The following ISG20L2 variants were observed in gnomAD, a reference collection of about 807,000 sequenced individuals.
The protein encoded by ISG20L2 is interferon stimulated exonuclease gene 20 like 2.
ISG20L2 carries 14 observed loss-of-function variants against 27.8 expected under a neutral mutation model. The observed-to-expected ratio is 0.50, with a 90% CI of 0.33 to 0.79. The LOEUF is 0.79. Among genes scored for constraint, ISG20L2 ranks in the 30% least tolerant of loss-of-function variants. The pLI is 0.02. For missense variants in ISG20L2, 393 were observed against 435.1 expected, an observed-to-expected ratio of 0.90 and a Z score of 0.86; for synonymous variants, 157 against 165.7, an observed-to-expected ratio of 0.95 and a Z score of 0.40.
intron 2 of ISG20L2, 82 bp downstream of exon 2, chr1:156,726,824 C>T (rs1197978833): frequency 2.6e-6 from 4 of 1,532,582 alleles, no homozygotes; most frequent in African/African-American, 2.8e-5. Flanking sequence ...GGTGTCTTCC[C>T]ATAGTGATAT....
At position 156,725,994 on chromosome 1, in the gene ISG20L2, G is replaced by C. The variant is rs1186119974; in HGVS notation, c.747+912C>G. The C allele has an allele frequency of 4.1e-6, 4 of 985,452 alleles. No homozygotes were observed. The African/African-American group carries it at 7.0e-5, about 17-fold the overall frequency. The allele number at this position is 985,452 out of a possible 1,614,324, so 61.0% of individuals were successfully genotyped here. Reference sequence around the variant, plus strand: ...CTCTGGCGGCCTCCTGAGACCAGCAGGTCTCTTGCTCTCCCTTCACTTCCT... The same window carrying C: ...CTCTGGCGGCCTCCTGAGACCAGCACGTCTCTTGCTCTCCCTTCACTTCCT... On this transcript the variant is annotated intron_variant, in intron 2 of 3. Coordinates refer to ENST00000368219, the MANE Select transcript of ISG20L2 (RefSeq NM_001370150.2).
chr1:156,728,367 C>G, intron 1 of ISG20L2, 48 bp downstream of exon 1: 4 of 985,708 alleles, frequency 4.1e-6, no homozygotes, highest in Non-Finnish European at 4.8e-6. Context: ...GATAAGCATA[C>G]TTCGGATCCC....
chr1:156,726,104 C>T (rs1426469650), intron 2 of ISG20L2: 1 of 985,454 alleles, frequency 1.0e-6, no homozygotes, highest in Non-Finnish European at 1.2e-6. Flanking sequence ...GATGACAACC[C>T]GAAGTGCCGG....
intron 2 of ISG20L2, chr1:156,724,663 T>TG: frequency 9.0e-7 from 1 of 1,110,494 alleles, no homozygotes. Context: ...TCCATGTATT[T>TG]AGTTCAGTTC....
Position 156,725,941 on chromosome 1 carries a change from A to C in ISG20L2, c.747+965T>G, listed in dbSNP as rs1648738907. 6 of 985,448 alleles carry C rather than the reference A, an allele frequency of 6.1e-6. No individual in the cohort carries two copies. The South Asian group carries it at 2.3e-4, about 39-fold the overall frequency. 61.0% of individuals were successfully genotyped at this position (985,448 alleles called of 1,614,324 possible). On this transcript the variant is annotated intron_variant, in intron 2 of 3. Coordinates refer to ENST00000368219, the MANE Select transcript of ISG20L2 (RefSeq NM_001370150.2). The stretch of plus-strand genomic sequence containing the variant: ...CAGAGAGGGCAGAGTGTGGACCTGA[A>C]ACTGCAAAGACGTGGACCAAGGGCG...
At chr1:156,727,807 G>A in intron 1 of ISG20L2, 38 bp from the exon 2 acceptor site, 1 of 1,456,390 alleles carries the variant, frequency 6.9e-7, no homozygotes, top group Non-Finnish European at 9.0e-7. Flanking sequence ...GAGCTCCTAG[G>A]CCTGGGAGAA....
chr1:156,723,551 C>T lies in ISG20L2; in HGVS notation c.949-89G>A, dbSNP rs1052127301. The stretch of plus-strand genomic sequence containing the variant: ...CTCTCTGTACTCCTCTTCCCCCTGC[C>T]TCCGCTACACAGTTTCTTCTGCAGT... On this transcript the variant is annotated intron_variant, in intron 3 of 3. Coordinates refer to ENST00000368219, the MANE Select transcript of ISG20L2 (RefSeq NM_001370150.2). 3.8e-6 allele frequency: 6 copies of T among 1,560,032 alleles called. No individual in the cohort carries two copies. The African/African-American group carries it at 5.4e-5, about 14-fold the overall frequency.
chr1:156,728,206 G>C (rs1292673708), intron 1 of ISG20L2: 2 of 985,822 alleles, frequency 2.0e-6, no homozygotes, highest in Non-Finnish European at 2.4e-6. Context: ...CACCAATAGA[G>C]ACACAAATCC....
rs1468325073 is a variant in ISG20L2, at chr1:156,727,344, A to G, written c.309T>C (p.Pro103=). 4 of 1,614,178 alleles carry G rather than the reference A, an allele frequency of 2.5e-6. No individual in the cohort carries two copies. In the South Asian group the frequency reaches 3.3e-5, roughly 13 times the overall value. ...DKKAAVSWLT[P]APSKKADSVA... ...CAGAATCAGCCTTTTTTGAAGGGGC[A>G]GGGGTCAACCAAGACACTGCAGCTT... The change falls in exon 2 of 4, where the codon CCT becomes CCC. Residue 103 remains proline, a synonymous_variant. Coordinates refer to ENST00000368219, the MANE Select transcript of ISG20L2 (RefSeq NM_001370150.2).
At position 156,727,861 on chromosome 1, in the gene ISG20L2, A is replaced by G. The variant is rs1007787513; in HGVS notation, c.-117-92T>C. 4.4e-6 allele frequency: 6 copies of G among 1,368,250 alleles called. No individual in the cohort carries two copies. The South Asian group carries it at 9.2e-5, about 21-fold the overall frequency. The allele number at this position is 1,368,250 out of a possible 1,614,324, so 84.8% of individuals were successfully genotyped here. ...CTCCGTAGGACTTATGGAAGGAAAGACATCAGAGCAATCTCTCAGACAGAG... is the reference window on the plus strand; with the variant it reads ...CTCCGTAGGACTTATGGAAGGAAAGGCATCAGAGCAATCTCTCAGACAGAG... On this transcript the variant is annotated intron_variant, in intron 1 of 3. Coordinates refer to ENST00000368219, the MANE Select transcript of ISG20L2 (RefSeq NM_001370150.2).
chr1:156,723,765 C>T, intron 3 of ISG20L2: 1 of 985,392 alleles, frequency 1.0e-6, no homozygotes, highest in East Asian at 1.1e-4. Flanking sequence ...TTCCACTTTC[C>T]CTAGTTCCTT....
intron 1 of ISG20L2, 24 bp downstream of exon 1, chr1:156,728,391 G>C (rs1648913707): frequency 1.0e-6 from 1 of 985,484 alleles, no homozygotes; most frequent in Non-Finnish European, 1.2e-6. Context: ...GGTACAGATC[G>C]ATCTCTCACG....
In ISG20L2 at chr1:156,722,971, A is replaced by C; in HGVS notation, c.*378T>G. On this transcript the variant is annotated 3_prime_UTR_variant, in exon 4 of 4. Coordinates refer to ENST00000368219, the MANE Select transcript of ISG20L2 (RefSeq NM_001370150.2). ...AATTACTCAAGACCAAAAGGCATAA[A>C]AGGAGACATATGTCCACCCAAGTGA... 5.1e-6 allele frequency: 1 copy of C among 196,932 alleles called. No homozygotes were observed. The highest frequency in any genetic ancestry group is 1.1e-5 in the Non-Finnish European group (1 of 94,344). 12.2% of individuals were successfully genotyped at this position (196,932 alleles called of 1,614,324 possible).
intron 2 of ISG20L2, 105 bp from the exon 3 acceptor site, chr1:156,724,453 A>G: frequency 7.2e-7 from 1 of 1,390,826 alleles, no homozygotes; most frequent in South Asian, 1.5e-5. Context: ...TTCTTTCACC[A>G]ACTGCCTACC....
At position 156,727,457 on chromosome 1, in the gene ISG20L2, T is replaced by A; in HGVS notation, c.196A>T (p.Thr66Ser). 1 of 1,613,970 alleles carries A rather than the reference T, an allele frequency of 6.2e-7. No individual in the cohort carries two copies. The highest frequency in any genetic ancestry group is 8.5e-7 in the Non-Finnish European group (1 of 1,179,972). The change falls in exon 2 of 4, where the codon ACG (threonine) becomes TCG (serine). Residue 66 changes from threonine (T) to serine (S), a missense_variant. Transcript: ENST00000368219. The part of the protein sequence containing the change: ...SEPSKKGETP[T>S]VDGTWKTPSF... Reference sequence around the variant, plus strand: ...GGGGTCTTCCAAGTGCCATCGACCGTAGGAGTTTCCCCTTTCTTTGAAGGT... The same window carrying A: ...GGGGTCTTCCAAGTGCCATCGACCGAAGGAGTTTCCCCTTTCTTTGAAGGT...
Position 156,724,322 on chromosome 1 carries a change from T to C in ISG20L2, c.774A>G (p.Ile258Met). 6.2e-7 allele frequency: 1 copy of C among 1,612,124 alleles called. No homozygotes were observed. The highest frequency in any genetic ancestry group is 1.1e-5 in the South Asian group (1 of 91,032). The change falls in exon 3 of 4, where the codon ATA (isoleucine) becomes ATG (methionine). Residue 258 changes from isoleucine (I) to methionine (M), a missense_variant. Transcript: ENST00000368219. ...CGTTGTGGATGGCATGCCCCACCAC[T>C]ATCTTCCCTGTGAGTATCTTCAAGA... is the stretch of plus-strand genomic sequence containing the variant. ...GQILKILTGK[I>M]VVGHAIHNDF...
At position 156,728,700 on chromosome 1, in the gene ISG20L2, C is replaced by A; in HGVS notation, c.-403G>T. 1.0e-6 allele frequency: 1 copy of A among 991,574 alleles called. No individual in the cohort carries two copies. The highest frequency in any genetic ancestry group is 1.7e-5 in the African/African-American group (1 of 57,504). The allele number at this position is 991,574 out of a possible 1,614,324, so 61.4% of individuals were successfully genotyped here. A position where few individuals can be genotyped will look rare whatever the true frequency, so the allele number is the denominator to read the frequency against. Reference sequence around the variant, plus strand: ...GTACAACGCGAAGGTGTGGGAAGGCCGCGATAAACCGGAACTGCAGCCCGC... The same window carrying A: ...GTACAACGCGAAGGTGTGGGAAGGCAGCGATAAACCGGAACTGCAGCCCGC... On this transcript the variant is annotated 5_prime_UTR_variant, in exon 1 of 4. Transcript: ENST00000368219.
chr1:156,725,858 A>G, intron 2 of ISG20L2: 2 of 984,774 alleles, frequency 2.0e-6, no homozygotes, highest in Non-Finnish European at 2.4e-6. Flanking sequence ...CAGTCACCTC[A>G]CCTCTAACGA....
rs3795737 is a variant in ISG20L2, at chr1:156,727,264, T to C, written c.389A>G (p.Asn130Ser). 0.079 allele frequency: 126,720 copies of C among 1,613,996 alleles called. 8,046 individuals are homozygous for C. Among genetic ancestry groups the C allele is most frequent in the Admixed American group, 0.31 (18,799 of 59,988 alleles). Residue 130 changes from asparagine (N) to serine (S), a missense_variant, in exon 2 of 4, where the codon AAT becomes AGT. By Grantham distance (46) the Asn-to-Ser change is conservative (BLOSUM62 1). Coordinates refer to ENST00000368219, the MANE Select transcript of ISG20L2 (RefSeq NM_001370150.2). ...CTTCTGAGAGCGGGTTGGGTGGCTA[T>C]TGATCTTTGGAAGGGCACTCTGGAA... Reference protein sequence around the residue: ...GEFQSALPKINSHPTRSQKKS... With the variant: ...GEFQSALPKISSHPTRSQKKS...
Sources: gnomAD v4.1 joint callset for allele counts on GRCh38, gnomAD v4.1.1 for gene constraint, MANE v1.5 for transcripts, NCBI Gene and HGNC (gene_info 2026-07-23, HGNC 2026-07-21) for gene names.